Variants in LGSN observed in about 807,000 individuals in gnomAD.
LGSN encodes lengsin.
In LGSN, 21 loss-of-function variants were observed where a neutral mutation model predicts 19.5. That is an observed-to-expected ratio of 1.07 (90% CI 0.76 to 1.55). The LOEUF (loss-of-function observed/expected upper bound fraction) is 1.55. Among genes scored for constraint, LGSN ranks in the 40% most tolerant of loss-of-function variants. The pLI is 0.00. For missense variants in LGSN, 673 were observed against 608.5 expected (o/e 1.11, Z -1.12); for synonymous variants, 257 against 215.6 (o/e 1.19, Z -1.68).
chr6:63,350,098 T>C, the LGSN span, among the ~76,000 whole-genome samples: 21 of 152,372 alleles, frequency 1.4e-4, no homozygotes, highest in African/African-American at 5.1e-4. Flanking sequence ...TTATTAAGGT[T>C]GGTGCAGAAG....
At chr6:63,547,662 C>T in the LGSN span, among the ~76,000 whole-genome samples, 4 of 151,326 alleles carry the variant, frequency 2.6e-5, no homozygotes, top group South Asian at 2.1e-4. Context: ...CCCACCACCA[C>T]GCCTGGCTAA....
chr6:63,410,228 T>C, the LGSN span, among the ~76,000 whole-genome samples: 1 of 152,172 alleles, frequency 6.6e-6, no homozygotes, highest in African/African-American at 2.4e-5. Flanking sequence ...CAAAGTTTCA[T>C]AATGTTTGTG....
chr6:63,469,402 C>A, the LGSN span, among the ~76,000 whole-genome samples: 1 of 152,244 alleles, frequency 6.6e-6, no homozygotes, highest in African/African-American at 2.4e-5. Flanking sequence ...TATTGGAAGG[C>A]AATGCTGTAA....
Position 63,295,052 on chromosome 6 carries a change from A to C in LGSN, c.31-7T>G. On this transcript the variant is annotated splice_polypyrimidine_tract_variant and splice_region_variant and intron_variant, in intron 1 of 3. Transcript: ENST00000370657. ...CTTCATCTCTTGTTGAGTCCTGTTG[A>C]TAATTAATAAACAAAAAGCCAAATA... 6.2e-7 allele frequency: 1 copy of C among 1,611,514 alleles called. No individual in the cohort carries two copies. Among genetic ancestry groups the C allele is most frequent in the South Asian group, 1.1e-5 (1 of 90,880 alleles).
At chr6:63,377,550 C>T in the LGSN span, among the ~76,000 whole-genome samples, 19 of 152,250 alleles carry the variant, frequency 1.2e-4, no homozygotes, top group East Asian at 3.5e-3. Flanking sequence ...GAACACCTAA[C>T]GTAAACCTAG....
chr6:63,538,416 G>T, the LGSN span, among the ~76,000 whole-genome samples: 3 of 152,182 alleles, frequency 2.0e-5, no homozygotes, highest in African/African-American at 7.2e-5. Flanking sequence ...AATTATAAAA[G>T]ATCAATGTTG....
At chr6:63,442,218 G>A in the LGSN span, among the ~76,000 whole-genome samples, 231 of 152,358 alleles carry the variant, frequency 1.5e-3, no homozygotes, top group African/African-American at 5.4e-3. Context: ...GAGTGAAGAT[G>A]CAGACCTTCA....
the LGSN span, among the ~76,000 whole-genome samples, chr6:63,462,464 C>A: frequency 2.0e-5 from 3 of 152,114 alleles, no homozygotes; most frequent in Non-Finnish European, 4.4e-5. Flanking sequence ...GAAACCCTAT[C>A]TCTACTAAAA....
the LGSN span, among the ~76,000 whole-genome samples, chr6:63,526,835 A>ATT: frequency 7.8e-6 from 1 of 129,030 alleles, no homozygotes; most frequent in Non-Finnish European, 1.6e-5. Flanking sequence ...ATATATATAT[A>ATT]TTTATTTATT....
At chr6:63,366,731 G>T in the LGSN span, among the ~76,000 whole-genome samples, 1 of 152,052 alleles carries the variant, frequency 6.6e-6, no homozygotes, top group Non-Finnish European at 1.5e-5. Flanking sequence ...GGTACTGGTA[G>T]CAAAACATAG....
chr6:63,302,023 C>G (rs913131222), intron 1 of LGSN, among the ~76,000 whole-genome samples: 1 of 152,008 alleles, frequency 6.6e-6, no homozygotes, highest in Admixed American at 6.6e-5. Context: ...TTCAAACTAA[C>G]TTTAGGATGT....
chr6:63,323,642 T>A (rs1769149255), upstream of LGSN, among the ~76,000 whole-genome samples: 1 of 150,668 alleles, frequency 6.6e-6, no homozygotes, highest in Non-Finnish European at 1.5e-5. Context: ...TTTAAAAATA[T>A]AATAATAATG....
the LGSN span, among the ~76,000 whole-genome samples, chr6:63,461,744 T>C: frequency 2.6e-5 from 4 of 152,236 alleles, no homozygotes; most frequent in African/African-American, 7.2e-5. Context: ...CCCTGAATTA[T>C]AGCTTCTCTA....
chr6:63,481,778 C>T, the LGSN span: 4 of 291,380 alleles, frequency 1.4e-5, no homozygotes, highest in Non-Finnish European at 2.7e-5. Flanking sequence ...CTTCAAAGAT[C>T]ATGTTGAAGA....
the LGSN span, among the ~76,000 whole-genome samples, chr6:63,553,093 G>T: frequency 1.3e-5 from 2 of 152,148 alleles, no homozygotes; most frequent in Admixed American, 1.3e-4. Flanking sequence ...GTAGTAGAGA[G>T]AATGTATATC....
the LGSN span, among the ~76,000 whole-genome samples, chr6:63,447,072 G>A: frequency 6.6e-6 from 1 of 152,268 alleles, no homozygotes; most frequent in Non-Finnish European, 1.5e-5. Flanking sequence ...AAAAAGTTAA[G>A]CTCAACAAGA....
chr6:63,567,119 C>T, the LGSN span, among the ~76,000 whole-genome samples: 2 of 152,198 alleles, frequency 1.3e-5, no homozygotes, highest in East Asian at 3.9e-4. Context: ...TCTTGAACGC[C>T]CTCAAGGTCA....
At chr6:63,312,325 T>C (rs1474743573) in intron 1 of LGSN, among the ~76,000 whole-genome samples, 1 of 152,184 alleles carries the variant, frequency 6.6e-6, no homozygotes, top group Non-Finnish European at 1.5e-5. Context: ...CAGTAGTGGA[T>C]TGCTGAATCA....
the LGSN span, among the ~76,000 whole-genome samples, chr6:63,362,392 C>T: frequency 4.2e-4 from 64 of 151,768 alleles, no homozygotes; most frequent in Admixed American, 1.9e-3. Context: ...CAGAGCAGGG[C>T]GGGGCATCGC....
Sources: gnomAD v4.1 joint callset for allele counts (sites outside exome capture counted in the v4.1 genomes callset) on GRCh38, gnomAD v4.1.1 for gene constraint, MANE v1.5 for transcripts, NCBI Gene and HGNC (gene_info 2026-07-23, HGNC 2026-07-21) for gene names.